CSGALNACT1: variants seen among roughly 807,000 people sequenced by gnomAD.
CSGALNACT1 encodes the protein chondroitin sulfate N-acetylgalactosaminyltransferase 1, also known as beta4GalNAcT-1.
CSGALNACT1 carries 52 observed loss-of-function variants against 51.0 expected under a neutral mutation model. That is an observed-to-expected ratio of 1.02 (90% CI 0.82 to 1.29). The LOEUF (loss-of-function observed/expected upper bound fraction) is 1.29, where lower values mean the gene tolerates loss of function less well. CSGALNACT1 is among the 50% of genes most tolerant of loss of function. The pLI is 0.00. For missense variants in CSGALNACT1, 935 were observed against 679.2 expected (o/e 1.38, Z -4.19); for synonymous variants, 341 against 254.4 (o/e 1.34, Z -3.24).
chr8:19,525,687 T>C (rs941001868), intron 3 of CSGALNACT1, among the ~76,000 whole-genome samples: 1 of 73,596 alleles, frequency 1.4e-5, no homozygotes, highest in East Asian at 5.1e-4. Flanking sequence ...AAAGCTGGAA[T>C]AAATGACCTA....
intron 1 of CSGALNACT1, among the ~76,000 whole-genome samples, chr8:19,737,850 A>G (rs565472280): frequency 6.6e-6 from 1 of 152,216 alleles, no homozygotes; most frequent in South Asian, 2.1e-4. Context: ...AGTGGTCAAA[A>G]TCATAAAGAC....
intron 1 of CSGALNACT1, among the ~76,000 whole-genome samples, chr8:19,752,246 T>C (rs1381314240): frequency 6.7e-6 from 1 of 149,806 alleles, no homozygotes; most frequent in Non-Finnish European, 1.5e-5. Flanking sequence ...TATATAACCT[T>C]TCCTATGCTC....
upstream of CSGALNACT1, among the ~76,000 whole-genome samples, chr8:19,603,882 T>G (rs1408600142): frequency 6.6e-6 from 1 of 152,188 alleles, no homozygotes; most frequent in Non-Finnish European, 1.5e-5. Flanking sequence ...TCATTAATAA[T>G]CTAATTTGTA....
chr8:19,522,121 G>A (rs1224601278), intron 3 of CSGALNACT1, among the ~76,000 whole-genome samples: 1 of 152,188 alleles, frequency 6.6e-6, no homozygotes, highest in African/African-American at 2.4e-5. Flanking sequence ...GAGTCCTCAT[G>A]ACGTACTCAG....
intron 1 of CSGALNACT1, among the ~76,000 whole-genome samples, chr8:19,627,550 T>C (rs1031609049): frequency 1.1e-4 from 16 of 152,064 alleles, no homozygotes; most frequent in African/African-American, 3.9e-4. Flanking sequence ...AGGCCAGGCA[T>C]GGTGATTCAC....
chr8:19,660,903 T>A (rs1476133295), intron 1 of CSGALNACT1, among the ~76,000 whole-genome samples: 2 of 151,832 alleles, frequency 1.3e-5, no homozygotes, highest in Non-Finnish European at 2.9e-5. Context: ...CCGTTCAGGT[T>A]TGTTTGTTTG....
In CSGALNACT1 at chr8:19,406,623, TAAAAAAAA is replaced by T. The variant is rs33985548; in HGVS notation, c.1310-562_1310-555del. On this transcript the variant is annotated intron_variant, in intron 9 of 9. Transcript: ENST00000454498. ...ATAATAATTAAAAATAGAGGTTTCGTAAAAAAAAAAAAAAAAAAAAAAAAAAAGAGCTT... is the reference window on the plus strand; with the variant it reads ...ATAATAATTAAAAATAGAGGTTTCGTAAAAAAAAAAAAAAAAAAAGAGCTT... Among the ~76,000 whole-genome samples the T allele has an allele frequency of 7.9e-3, 568 of 72,172 alleles. 18 individuals are homozygous for T. The Admixed American group carries it at 0.079, about 10-fold the overall frequency. 47.3% of individuals were successfully genotyped at this position (72,172 alleles called of 152,430 possible). A position where few individuals can be genotyped will look rare whatever the true frequency, so the allele number is the denominator to read the frequency against.
At chr8:19,508,624 A>G (rs2077826351) in intron 3 of CSGALNACT1, among the ~76,000 whole-genome samples, 2 of 152,230 alleles carry the variant, frequency 1.3e-5, no homozygotes, top group Non-Finnish European at 2.9e-5. Flanking sequence ...CAGTGAAGAC[A>G]TGTTATCGTG....
At chr8:19,546,260 T>C (rs909711220) in intron 3 of CSGALNACT1, among the ~76,000 whole-genome samples, 1 of 152,182 alleles carries the variant, frequency 6.6e-6, no homozygotes, top group African/African-American at 2.4e-5. Context: ...AATCGTGTTT[T>C]TGTAAGTAAG....
chr8:19,525,960 G>C, intron 3 of CSGALNACT1, among the ~76,000 whole-genome samples: 1 of 152,226 alleles, frequency 6.6e-6, no homozygotes, highest in African/African-American at 2.4e-5. Context: ...GGTCTAGTGC[G>C]CATTTACCAT....
At chr8:19,520,503 T>C (rs2154029397) in intron 3 of CSGALNACT1, among the ~76,000 whole-genome samples, 1 of 152,332 alleles carries the variant, frequency 6.6e-6, no homozygotes, top group African/African-American at 2.4e-5. Context: ...GTCAGCAATC[T>C]CTACTAGGGA....
chr8:19,469,864 C>T (rs2067697379), intron 4 of CSGALNACT1, among the ~76,000 whole-genome samples: 1 of 152,100 alleles, frequency 6.6e-6, no homozygotes, highest in Admixed American at 6.5e-5. Flanking sequence ...AAGGTACACT[C>T]TGTGAAACCA....
chr8:19,739,697 C>A (rs948539100), intron 1 of CSGALNACT1, among the ~76,000 whole-genome samples: 6 of 152,158 alleles, frequency 3.9e-5, no homozygotes, highest in African/African-American at 1.4e-4. Context: ...GATGTGATGG[C>A]TGGAGCTTTA....
At position 19,456,494 on chromosome 8, in the gene CSGALNACT1, G is replaced by T. The variant is rs550793477; in HGVS notation, c.851+1932C>A. ...AATGCCTAATGCAAACCACATTCAG[G>T]TTCAACAACTGCATTCAGAACGCCG... On this transcript the variant is annotated intron_variant, in intron 5 of 9. Coordinates refer to ENST00000454498, the Ensembl canonical transcript of CSGALNACT1. 3.9e-5 allele frequency among the ~76,000 whole-genome samples: 6 copies of T among 152,346 alleles called. No individual in the cohort carries two copies. The South Asian group carries it at 8.3e-4, about 21-fold the overall frequency.
chr8:19,552,163 A>C (rs2088286372), intron 3 of CSGALNACT1, among the ~76,000 whole-genome samples: 2 of 151,972 alleles, frequency 1.3e-5, no homozygotes. Context: ...TACCATGAAA[A>C]GAAGACTAAT....
chr8:19,452,151 A>G (rs2063294554), intron 5 of CSGALNACT1, among the ~76,000 whole-genome samples: 1 of 152,240 alleles, frequency 6.6e-6, no homozygotes, highest in African/African-American at 2.4e-5. Context: ...GGAAGTTTCT[A>G]CATTAGCTTC....
chr8:19,623,856 G>A (rs931057988), intron 1 of CSGALNACT1, among the ~76,000 whole-genome samples: 1 of 152,190 alleles, frequency 6.6e-6, no homozygotes, highest in Admixed American at 6.5e-5. Flanking sequence ...CCCTCTTAAT[G>A]ATCTAATGAC....
chr8:19,664,071 G>A (rs2058985062), intron 1 of CSGALNACT1, among the ~76,000 whole-genome samples: 1 of 152,200 alleles, frequency 6.6e-6, no homozygotes, highest in African/African-American at 2.4e-5. Context: ...CACCCTGCCA[G>A]GTGCCCACAC....
At chr8:19,650,317 CT>C (rs1361204360) in intron 1 of CSGALNACT1, among the ~76,000 whole-genome samples, 1 of 152,132 alleles carries the variant, frequency 6.6e-6, no homozygotes, top group African/African-American at 2.4e-5. Flanking sequence ...TAGATTTTTT[CT>C]CTTGAAAACT....
Sources: gnomAD v4.1 joint callset for allele counts (sites outside exome capture counted in the v4.1 genomes callset) on GRCh38, gnomAD v4.1.1 for gene constraint, MANE v1.5 for transcripts, NCBI Gene and HGNC (gene_info 2026-07-23, HGNC 2026-07-21) for gene names.